FHIT: variants seen among roughly 807,000 people sequenced by gnomAD.
FHIT encodes bis(5'-adenosyl)-triphosphatase.
FHIT carries 19 observed loss-of-function variants against 17.9 expected under a neutral mutation model. The ratio of observed to expected loss-of-function variants is 1.06; its 90% CI spans 0.74 to 1.56. The LOEUF (loss-of-function observed/expected upper bound fraction) is 1.56. Among genes scored for constraint, FHIT ranks in the 40% most tolerant of loss-of-function variants. The probability of loss-of-function intolerance (pLI) is 0.00; values close to 1 mark genes in which losing one functional copy is unlikely to be tolerated. For missense variants in FHIT, 248 were observed against 189.2 expected, an observed-to-expected ratio of 1.31 and a Z score of -1.82; for synonymous variants, 81 against 69.7, an observed-to-expected ratio of 1.16 and a Z score of -0.81.
chr3:60,949,717 T>A (rs1553776678), intron 3 of FHIT, among the ~76,000 whole-genome samples: 1 of 152,162 alleles, frequency 6.6e-6, no homozygotes, highest in African/African-American at 2.4e-5. Context: ...TTAAAGTGGG[T>A]ACCTAAATAT....
intron 1 of FHIT, among the ~76,000 whole-genome samples, chr3:61,209,636 T>C (rs1377121534): frequency 6.6e-6 from 1 of 152,226 alleles, no homozygotes; most frequent in Non-Finnish European, 1.5e-5. Context: ...CGTCACGTGG[T>C]TCTCGTGCCT....
chr3:60,193,603 G>A (rs1321346423), intron 5 of FHIT, among the ~76,000 whole-genome samples: 2 of 152,160 alleles, frequency 1.3e-5, no homozygotes, highest in Non-Finnish European at 2.9e-5. Flanking sequence ...CCATGGCCTT[G>A]ACAAGTCATT....
At chr3:60,017,141 G>A (rs1700373174) in intron 5 of FHIT, among the ~76,000 whole-genome samples, 1 of 152,090 alleles carries the variant, frequency 6.6e-6, no homozygotes, top group Non-Finnish European at 1.5e-5. Context: ...TATTAAAACT[G>A]TGCCCTGCAT....
intron 3 of FHIT, among the ~76,000 whole-genome samples, chr3:60,923,913 C>G (rs1466948756): frequency 1.3e-5 from 2 of 152,190 alleles, no homozygotes; most frequent in Non-Finnish European, 2.9e-5. Flanking sequence ...GAGATTATAT[C>G]CTGCACCTGG....
chr3:60,125,462 T>A (rs1203551716), intron 5 of FHIT, among the ~76,000 whole-genome samples: 1 of 151,910 alleles, frequency 6.6e-6, no homozygotes, highest in African/African-American at 2.4e-5. Context: ...TGAAACCCCA[T>A]CTCTACTAAA....
chr3:60,282,517 A>G (rs1707509948), intron 5 of FHIT, among the ~76,000 whole-genome samples: 1 of 152,130 alleles, frequency 6.6e-6, no homozygotes, highest in African/African-American at 2.4e-5. Context: ...CATCTGTAAA[A>G]CTCCATAGAA....
intron 2 of FHIT, among the ~76,000 whole-genome samples, chr3:61,098,034 T>G (rs977393387): frequency 4.6e-5 from 7 of 152,228 alleles, no homozygotes; most frequent in Admixed American, 4.6e-4. Context: ...TGTTCCTATG[T>G]CCTTAATGGT....
chr3:61,067,918 C>A (rs9877318), intron 2 of FHIT, among the ~76,000 whole-genome samples: 84,814 of 151,896 alleles, frequency 0.56, 24,631 homozygotes, highest in Non-Finnish European at 0.64. Context: ...TTGTTCTGGG[C>A]AGCTATATTC....
chr3:60,660,729 C>CGTTTTTT (rs2040222359), intron 4 of FHIT, among the ~76,000 whole-genome samples: 1 of 37,278 alleles, frequency 2.7e-5, no homozygotes, highest in Non-Finnish European at 5.5e-5. Flanking sequence ...TTATTGTGCT[C>CGTTTTTT]TTTTTTTTTT....
At chr3:60,414,973 T>C (rs901372835) in intron 5 of FHIT, among the ~76,000 whole-genome samples, 7 of 152,158 alleles carry the variant, frequency 4.6e-5, no homozygotes, top group Non-Finnish European at 7.3e-5. Flanking sequence ...CCCAAATCAT[T>C]TGGGAGCTTG....
chr3:60,119,380 CTTTAAT>C (rs56708548), intron 5 of FHIT, among the ~76,000 whole-genome samples: 39,283 of 151,838 alleles, frequency 0.26, 5,762 homozygotes, highest in Non-Finnish European at 0.34. Context: ...GCCTATATTT[CTTTAAT>C]TTTAAGATGC....
At chr3:59,823,910 C>G (rs142697476) in intron 8 of FHIT, among the ~76,000 whole-genome samples, 3,179 of 152,250 alleles carry the variant, frequency 0.021, 115 homozygotes, top group African/African-American at 0.073. Context: ...GTCAAACTGT[C>G]GCTGTTTGCT....
intron 8 of FHIT, among the ~76,000 whole-genome samples, chr3:59,903,379 G>T (rs116832360): frequency 1.3e-5 from 2 of 152,250 alleles, no homozygotes; most frequent in Non-Finnish European, 2.9e-5. Context: ...ACACAACTCT[G>T]AATATACCTG....
chr3:60,125,554 C>T (rs1311843167), intron 5 of FHIT, among the ~76,000 whole-genome samples: 1 of 151,536 alleles, frequency 6.6e-6, no homozygotes, highest in East Asian at 1.9e-4. Flanking sequence ...ATCACTTGAA[C>T]CCGGGAGGCG....
intron 5 of FHIT, among the ~76,000 whole-genome samples, chr3:60,375,321 C>T (rs1304954002): frequency 1.3e-5 from 2 of 151,414 alleles, no homozygotes; most frequent in African/African-American, 4.8e-5. Context: ...GTAATCCTAG[C>T]ACTTTGGAAG....
At chr3:59,964,599 C>T (rs1707836221) in intron 7 of FHIT, among the ~76,000 whole-genome samples, 1 of 152,052 alleles carries the variant, frequency 6.6e-6, no homozygotes, top group Non-Finnish European at 1.5e-5. Flanking sequence ...ATCACATGCC[C>T]CCAACAAACC....
intron 5 of FHIT, among the ~76,000 whole-genome samples, chr3:60,370,570 G>A (rs1444932889): frequency 6.6e-6 from 1 of 152,106 alleles, no homozygotes; most frequent in African/African-American, 2.4e-5. Context: ...ACCTCTTCCT[G>A]AATCTGCATT....
intron 2 of FHIT, among the ~76,000 whole-genome samples, chr3:61,179,125 T>G (rs777984094): frequency 3.3e-5 from 5 of 150,940 alleles, no homozygotes; most frequent in Non-Finnish European, 7.4e-5. Context: ...TTCTCCTGTC[T>G]CAGCCTCCCA....
intron 5 of FHIT, among the ~76,000 whole-genome samples, chr3:60,480,377 T>C (rs894727211): frequency 6.6e-6 from 1 of 152,216 alleles, no homozygotes; most frequent in Admixed American, 6.5e-5. Flanking sequence ...TCAAATCTCA[T>C]GTCCTTTGCA....
Sources: allele counts gnomAD v4.1 joint callset (sites outside exome capture counted in the v4.1 genomes callset), GRCh38; gene constraint gnomAD v4.1.1; transcripts MANE v1.5; gene names NCBI Gene and HGNC (gene_info 2026-07-23, HGNC 2026-07-21).